FAM83H: variants seen among roughly 807,000 people sequenced by gnomAD.
FAM83H encodes the protein protein FAM83H.
A neutral mutation model predicts 30.2 loss-of-function variants in FAM83H; 24 were observed. That is an observed-to-expected ratio of 0.79 (90% CI 0.57 to 1.12). FAM83H has a LOEUF of 1.12. Ranked by LOEUF, FAM83H falls within the 50% of genes most tolerant of loss-of-function variation. FAM83H has a pLI of 0.00. For synonymous variants in FAM83H, 1,013 were observed against 821.7 expected (o/e 1.23, Z -3.98); for missense variants, 2,038 against 1,773.9 (o/e 1.15, Z -2.67).
Position 143,725,785 on chromosome 8 carries a change from C to T in FAM83H, c.*136G>A. On this transcript the variant is annotated 3_prime_UTR_variant, in exon 5 of 5. Transcript: ENST00000388913. ...TCCAGTGGAGCCGAGGTCTGGCGCA[C>T]TCAGCCAAGCCCCAAGCGGCCGTGG... The T allele has an allele frequency of 6.8e-7, 1 of 1,476,922 alleles. No individual in the cohort carries two copies. Among genetic ancestry groups the T allele is most frequent in the Non-Finnish European group, 9.1e-7 (1 of 1,098,830 alleles). 91.5% of individuals were successfully genotyped at this position (1,476,922 alleles called of 1,614,324 possible). A position where few individuals can be genotyped will look rare whatever the true frequency, so the allele number is the denominator to read the frequency against.
chr8:143,728,199 T>G lies in FAM83H; in HGVS notation c.1262A>C (p.Glu421Ala), dbSNP rs1461950529. Residue 421 changes from glutamate to alanine, a missense_variant, in exon 5 of 5, where the codon GAG (glutamate) becomes GCG (alanine). Coordinates refer to ENST00000388913, the MANE Select transcript of FAM83H (RefSeq NM_198488.5). ...CACCTGCCGCGCGGCCGCGAAGTTCTCCACGGCGCCCGCGCCCTCGGTCGC... is the reference window on the plus strand; with the variant it reads ...CACCTGCCGCGCGGCCGCGAAGTTCGCCACGGCGCCCGCGCCCTCGGTCGC... ...SFATEGAGAV[E>A]NFAAARQVSR... 8 of 1,602,476 alleles carry G rather than the reference T, an allele frequency of 5.0e-6. No individual in the cohort carries two copies. The highest frequency in any genetic ancestry group is 1.7e-5 in the Admixed American group (1 of 59,390).
At position 143,724,384 on chromosome 8, in the gene FAM83H, A is replaced by G. The variant is rs868949018; in HGVS notation, c.*1537T>C. On this transcript the variant is annotated 3_prime_UTR_variant, in exon 5 of 5. Coordinates refer to ENST00000388913, the MANE Select transcript of FAM83H (RefSeq NM_198488.5). ...AAAAAAAATTAGTTTTTGAAAAGAAATAGGAGAATACAGAAACATGAATTT... is the reference window on the plus strand; with the variant it reads ...AAAAAAAATTAGTTTTTGAAAAGAAGTAGGAGAATACAGAAACATGAATTT... 2.6e-5 allele frequency: 4 copies of G among 152,230 alleles called. No individual in the cohort carries two copies. The highest frequency in any genetic ancestry group is 3.2e-3 in the Middle Eastern group (1 of 316). The allele number at this position is 152,230 out of a possible 1,614,324, so 9.4% of individuals were successfully genotyped here.
At chr8:143,729,732 C>T (rs1429318293) in intron 2 of FAM83H, among the ~76,000 whole-genome samples, 3 of 152,256 alleles carry the variant, frequency 2.0e-5, no homozygotes, top group East Asian at 3.8e-4. Flanking sequence ...AGTCACAAGC[C>T]TTTAGCGTCT....
At chr8:143,732,242 G>T in intron 1 of FAM83H, 1 of 985,434 alleles carries the variant, frequency 1.0e-6, no homozygotes, top group African/African-American at 1.7e-5. Context: ...ATGCCAACCG[G>T]CTTGGGAGAA....
In FAM83H at chr8:143,732,278, G is replaced by A. The variant is rs1454111312; in HGVS notation, c.-16+1413C>T. ...GCTGTCCCAACATTTCTTTGTTGGGGCACCGTCCTCATGGTTGACATATGG... is the reference window on the plus strand; with the variant it reads ...GCTGTCCCAACATTTCTTTGTTGGGACACCGTCCTCATGGTTGACATATGG... On this transcript the variant is annotated intron_variant, in intron 1 of 4. Transcript: ENST00000388913. 4.1e-6 allele frequency: 4 copies of A among 985,282 alleles called. No individual in the cohort carries two copies. In the African/African-American group the frequency reaches 7.0e-5, roughly 17 times the overall value. 61.0% of individuals were successfully genotyped at this position (985,282 alleles called of 1,614,324 possible). A position where few individuals can be genotyped will look rare whatever the true frequency, so the allele number is the denominator to read the frequency against.
In FAM83H at chr8:143,725,580, A is replaced by C; in HGVS notation, c.*341T>G. 1 of 423,672 alleles carries C rather than the reference A, an allele frequency of 2.4e-6. No homozygotes were observed. Among genetic ancestry groups the C allele is most frequent in the Non-Finnish European group, 4.3e-6 (1 of 231,104 alleles). 26.2% of individuals were successfully genotyped at this position (423,672 alleles called of 1,614,324 possible). On this transcript the variant is annotated 3_prime_UTR_variant, in exon 5 of 5. Transcript: ENST00000388913. ...AACTGCACTCCAGCCCTAGGTCTCA[A>C]AAAAATAAAGGGGGCGGGGGGGACT...
Position 143,727,870 on chromosome 8 carries a change from G to T in FAM83H, c.1591C>A (p.Pro531Thr). ...HGSDPAFAPG[P>T]RGLEPSGAPR... The stretch of plus-strand genomic sequence containing the variant: ...GCTCCGCTGGGCTCCAGGCCGCGGG[G>T]TCCGGGCGCGAAGGCGGGGTCCGAG... The change falls in exon 5 of 5, where the codon CCC (proline) becomes ACC (threonine). Residue 531 changes from proline to threonine, a missense_variant. By Grantham distance (38) the Pro-to-Thr change is conservative (BLOSUM62 -1). Coordinates refer to ENST00000388913, the MANE Select transcript of FAM83H (RefSeq NM_198488.5). 7.3e-7 allele frequency: 1 copy of T among 1,364,972 alleles called. No homozygotes were observed. Among genetic ancestry groups the T allele is most frequent in the Non-Finnish European group, 9.4e-7 (1 of 1,068,582 alleles). The allele number at this position is 1,364,972 out of a possible 1,614,324, so 84.6% of individuals were successfully genotyped here.
At position 143,727,234 on chromosome 8, in the gene FAM83H, C is replaced by G; in HGVS notation, c.2227G>C (p.Gly743Arg). 1 of 1,534,886 alleles carries G rather than the reference C, an allele frequency of 6.5e-7. No individual in the cohort carries two copies. The highest frequency in any genetic ancestry group is 8.7e-7 in the Non-Finnish European group (1 of 1,146,252). The change falls in exon 5 of 5, where the codon GGC becomes CGC. Residue 743 changes from glycine to arginine, a missense_variant. Gly to Arg is a moderately radical substitution (Grantham distance 125). Transcript: ENST00000388913. ...KVAELLEKYK[G>R]PARDPGGGAG... ...CCGCCGCCGGGATCACGGGCTGGGC[C>G]CTTGTACTTCTCCAGCAGCTCCGCC...
In FAM83H at chr8:143,730,471, C is replaced by G. The variant is rs200669258; in HGVS notation, c.112G>C (p.Gly38Arg). ...AAGCGGCTGTAGGCCTCCGAGCCAC[C>G]CTCGGCCAGTGCATCCACCGCCAGG... is the stretch of plus-strand genomic sequence containing the variant. ...YRLAVDALAE[G>R]GSEAYSRFLA... is the part of the protein sequence containing the mutation. The change falls in exon 2 of 5, where the codon GGT becomes CGT. Residue 38 changes from glycine (G) to arginine (R), a missense_variant. Physicochemically the swap from Gly to Arg is moderately radical, Grantham distance 125. Coordinates refer to ENST00000388913, the MANE Select transcript of FAM83H (RefSeq NM_198488.5). 30 of 1,610,034 alleles carry G rather than the reference C, an allele frequency of 1.9e-5. No homozygotes were observed. The highest frequency in any genetic ancestry group is 3.3e-5 in the Admixed American group (2 of 59,870).
rs1256806213 is a variant in FAM83H at position 143,725,210 on chromosome 8, G to C, written c.*711C>G. 6.7e-6 allele frequency: 1 copy of C among 149,056 alleles called. No individual in the cohort carries two copies. Among genetic ancestry groups the C allele is most frequent in the African/African-American group, 2.5e-5 (1 of 40,420 alleles). The allele number at this position is 149,056 out of a possible 1,614,324, so 9.2% of individuals were successfully genotyped here. On this transcript the variant is annotated 3_prime_UTR_variant, in exon 5 of 5. Coordinates refer to ENST00000388913, the MANE Select transcript of FAM83H (RefSeq NM_198488.5). The stretch of plus-strand genomic sequence containing the variant: ...AGACCTTGAGAGAGGGAGGGAGCGG[G>C]GAGGGGGGAGGCCCTGAGAACAGGA...
chr8:143,732,994 G>A (rs1554624872), intron 1 of FAM83H: 1 of 154,410 alleles, frequency 6.5e-6, no homozygotes, highest in Non-Finnish European at 1.5e-5. Context: ...GGAAGGATCT[G>A]GAGTTCCTAC....
intron 2 of FAM83H, 98 bp from the exon 3 acceptor site, chr8:143,729,421 C>T (rs1197841071): frequency 7.2e-6 from 10 of 1,390,316 alleles, no homozygotes; most frequent in South Asian, 3.5e-5. Flanking sequence ...GGATCACCCA[C>T]GACCACTGTG....
Position 143,727,291 on chromosome 8 carries a change from C to T in FAM83H, c.2170G>A (p.Glu724Lys). ...GTGGAAGCCGCGGAGCGCACGGCCT[C>T]TCCGCCGGGCCCCAGCGTCTCGCTG... is the stretch of plus-strand genomic sequence containing the variant. ...TVSETLGPGG[E>K]AVRSAASTKV... The change falls in exon 5 of 5, where the codon GAG becomes AAG. Residue 724 changes from glutamate (E) to lysine (K), a missense_variant. Glu to Lys is a moderately conservative substitution (Grantham distance 56). Transcript: ENST00000388913. 6.5e-7 allele frequency: 1 copy of T among 1,537,558 alleles called. No individual in the cohort carries two copies. Among genetic ancestry groups the T allele is most frequent in the Non-Finnish European group, 8.7e-7 (1 of 1,147,690 alleles).
Position 143,725,750 on chromosome 8 carries a change from C to T in FAM83H, c.*171G>A. 1 of 1,177,230 alleles carries T rather than the reference C, an allele frequency of 8.5e-7. No homozygotes were observed. Among genetic ancestry groups the T allele is most frequent in the East Asian group, 2.6e-5 (1 of 38,922 alleles). The allele number at this position is 1,177,230 out of a possible 1,614,324, so 72.9% of individuals were successfully genotyped here. On this transcript the variant is annotated 3_prime_UTR_variant, in exon 5 of 5. Transcript: ENST00000388913. ...GCCAGGGGGCAGAGACGGCAGCTGCCAGGTGAGCCTCCAGTGGAGCCGAGG... is the reference window on the plus strand; with the variant it reads ...GCCAGGGGGCAGAGACGGCAGCTGCTAGGTGAGCCTCCAGTGGAGCCGAGG...
Position 143,726,267 on chromosome 8 carries a change from G to T in FAM83H, c.3194C>A (p.Thr1065Asn), listed in dbSNP as rs370976572. The T allele has an allele frequency of 1.3e-4, 210 of 1,612,106 alleles. No homozygotes were observed. Among genetic ancestry groups the T allele is most frequent in the Non-Finnish European group, 1.7e-4 (204 of 1,179,726 alleles). ...ACGGCCTAGCTCGGGGCTGTTGTGG[G>T]TCGGGCCGGGGCTCGGGGCAGGGAC... ...RAVPAPSPGPTHNSPELGRPP... is the reference protein window; with the variant it reads ...RAVPAPSPGPNHNSPELGRPP... Residue 1065 changes from threonine to asparagine, a missense_variant, in exon 5 of 5, where the codon ACC becomes AAC. By Grantham distance (65) the Thr-to-Asn change is moderately conservative. Transcript: ENST00000388913.
chr8:143,726,114 C>T lies in FAM83H; in HGVS notation c.3347G>A (p.Arg1116His). 1 of 1,611,182 alleles carries T rather than the reference C, an allele frequency of 6.2e-7. No homozygotes were observed. Among genetic ancestry groups the T allele is most frequent in the Middle Eastern group, 1.7e-4 (1 of 6,040 alleles). ...SRTLPASAEE[R>H]DRLLRRMESM... ...CTCCATGCGGCGCAGCAGCCGATCG[C>T]GCTCCTCCGCGCTGGCTGGCAGCGT... The change falls in exon 5 of 5, where the codon CGC becomes CAC. Residue 1116 changes from arginine (R) to histidine (H), a missense_variant. Transcript: ENST00000388913.
At position 143,730,358 on chromosome 8, in the gene FAM83H, G is replaced by A. The variant is rs1340192577; in HGVS notation, c.225C>T (p.Thr75=). 2 of 1,613,562 alleles carry A rather than the reference G, an allele frequency of 1.2e-6. No homozygotes were observed. The highest frequency in any genetic ancestry group is 4.5e-5 in the East Asian group (2 of 44,890). ...SRHLRPPQYV[T]REPPEGSLLD... is the part of the protein sequence containing the mutation. Reference sequence around the variant, plus strand: ...GAAGGCTGCCTTCAGGTGGCTCTCGGGTAACATACTGCGGAGGCCGAAGGT... The same window carrying A: ...GAAGGCTGCCTTCAGGTGGCTCTCGAGTAACATACTGCGGAGGCCGAAGGT... The change falls in exon 2 of 5, where the codon ACC becomes ACT. Residue 75 remains threonine, a synonymous_variant. Transcript: ENST00000388913.
In FAM83H at chr8:143,733,585, C is replaced by G. The variant is rs1448239074; in HGVS notation, c.-16+106G>C. The stretch of plus-strand genomic sequence containing the variant: ...ACCGCCCCTCTCTGGGTCGCGCGGC[C>G]CCGGCCCAGGTGTGGGCGCAAGGGT... On this transcript the variant is annotated intron_variant, in intron 1 of 4. Transcript: ENST00000388913. This position sits in a 1 kb window ranked among gnomAD's most constrained non-coding sequence, Gnocchi z 5.6. 6.6e-6 allele frequency: 1 copy of G among 151,574 alleles called. No homozygotes were observed. Among genetic ancestry groups the G allele is most frequent in the Non-Finnish European group, 1.5e-5 (1 of 67,846 alleles). The allele number at this position is 151,574 out of a possible 1,614,324, so 9.4% of individuals were successfully genotyped here.
At position 143,727,943 on chromosome 8, in the gene FAM83H, C is replaced by T; in HGVS notation, c.1518G>A (p.Gln506=). ...RFPELGPDGH[Q]RLDYVPSSAS... The stretch of plus-strand genomic sequence containing the variant: ...CGCTGGACGGCACGTAGTCCAGCCG[C>T]TGGTGCCCGTCGGGTCCGAGCTCCG... The change falls in exon 5 of 5, where the codon CAG becomes CAA. Residue 506 remains glutamine (Q), a synonymous_variant. Transcript: ENST00000388913. 3.9e-6 allele frequency: 6 copies of T among 1,547,758 alleles called. No homozygotes were observed. The South Asian group carries it at 7.0e-5, about 18-fold the overall frequency.
Sources: allele counts gnomAD v4.1 joint callset (sites outside exome capture counted in the v4.1 genomes callset), GRCh38; gene constraint gnomAD v4.1.1; non-coding constraint Gnocchi (gnomAD v3.1); transcripts MANE v1.5; gene names NCBI Gene and HGNC (gene_info 2026-07-23, HGNC 2026-07-21).